The following PTCRA variants were observed in gnomAD, a reference collection of about 807,000 sequenced individuals.
PTCRA encodes pre T cell antigen receptor alpha, also known as pre T-cell antigen receptor alpha.
PTCRA carries 9 observed loss-of-function variants against 13.4 expected under a neutral mutation model. That is an observed-to-expected ratio of 0.67 (90% CI 0.41 to 1.18). The LOEUF (loss-of-function observed/expected upper bound fraction) is 1.18, where lower values mean the gene tolerates loss of function less well. PTCRA is among the 50% of genes most tolerant of loss of function. The probability of loss-of-function intolerance (pLI) is 0.01; values close to 1 mark genes in which losing one functional copy is unlikely to be tolerated. For synonymous variants in PTCRA, 153 were observed against 161.9 expected, an observed-to-expected ratio of 0.94 and a Z score of 0.42; for missense variants, 353 against 359.8, an observed-to-expected ratio of 0.98 and a Z score of 0.15.
intron 3 of PTCRA, 184 bp downstream of exon 3, chr6:42,924,457 A>G: frequency 1.5e-6 from 1 of 652,228 alleles, no homozygotes; most frequent in Non-Finnish European, 2.7e-6. Flanking sequence ...CTAGCATAAG[A>G]TGGGGGTGAA....
intron 3 of PTCRA, among the ~76,000 whole-genome samples, chr6:42,924,568 G>T (rs1767334097): frequency 6.6e-6 from 1 of 152,160 alleles, no homozygotes; most frequent in Non-Finnish European, 1.5e-5. Flanking sequence ...CAGGCAGGGG[G>T]GTCTCAGCAT....
chr6:42,918,471 T>G (rs1187879456), intron 1 of PTCRA, among the ~76,000 whole-genome samples: 2 of 151,578 alleles, frequency 1.3e-5, no homozygotes, highest in African/African-American at 4.9e-5. Flanking sequence ...GGAGAATCGC[T>G]TGAACCCCGG....
At chr6:42,922,171 A>T in intron 1 of PTCRA, 2 of 686,986 alleles carry the variant, frequency 2.9e-6, no homozygotes, top group Non-Finnish European at 5.3e-6. Flanking sequence ...AAAAAAAGAA[A>T]CAAAAAGTTA....
intron 1 of PTCRA, among the ~76,000 whole-genome samples, chr6:42,920,615 C>T (rs562936454): frequency 7.3e-5 from 11 of 151,416 alleles, no homozygotes; most frequent in Admixed American, 4.6e-4. Flanking sequence ...TTAGTAGAGA[C>T]GGGGTTTCAC....
intron 1 of PTCRA, among the ~76,000 whole-genome samples, chr6:42,921,929 G>A (rs1767188824): frequency 6.6e-6 from 1 of 151,694 alleles, no homozygotes; most frequent in Admixed American, 6.6e-5. Flanking sequence ...GGAGGCTGAG[G>A]CAGAAGAATG....
intron 1 of PTCRA, among the ~76,000 whole-genome samples, chr6:42,920,997 A>G (rs1767129865): frequency 6.6e-6 from 1 of 151,510 alleles, no homozygotes; most frequent in Non-Finnish European, 1.5e-5. Flanking sequence ...GGGTTTCGCC[A>G]TGTTGGCCAG....
At chr6:42,918,253 CT>C (rs1359282450) in intron 1 of PTCRA, among the ~76,000 whole-genome samples, 1 of 147,320 alleles carries the variant, frequency 6.8e-6, no homozygotes, top group Non-Finnish European at 1.5e-5. Flanking sequence ...CAGAATCAGT[CT>C]CAAAAAAAAA....
intron 2 of PTCRA, 104 bp from the exon 3 acceptor site, chr6:42,924,125 C>A: frequency 1.0e-6 from 1 of 999,744 alleles, no homozygotes; most frequent in East Asian, 2.7e-5. Flanking sequence ...ACCCCAAATG[C>A]CTCGACACCC....
At position 42,923,305 on chromosome 6, in the gene PTCRA, G is replaced by A; in HGVS notation, c.337G>A (p.Ala113Thr). Residue 113 changes from alanine (A) to threonine (T), a missense_variant, in exon 2 of 4, where the codon GCT becomes ACT. Coordinates refer to ENST00000304672, the MANE Select transcript of PTCRA (RefSeq NM_138296.3). ...EPLVCHTGPGAEGHSRSTQPM... is the reference protein window; with the variant it reads ...EPLVCHTGPGTEGHSRSTQPM... Reference sequence around the variant, plus strand: ...TTTGGTCTGCCACACTGGGCCTGGGGCTGAGGGTCACAGCAGGAGTACACA... The same window carrying A: ...TTTGGTCTGCCACACTGGGCCTGGGACTGAGGGTCACAGCAGGAGTACACA... 1 of 1,614,216 alleles carries A rather than the reference G, an allele frequency of 6.2e-7. No individual in the cohort carries two copies. The highest frequency in any genetic ancestry group is 8.5e-7 in the Non-Finnish European group (1 of 1,180,032).
At chr6:42,922,257 C>T in intron 1 of PTCRA, 3 of 702,652 alleles carry the variant, frequency 4.3e-6, no homozygotes, top group Non-Finnish European at 7.8e-6. Context: ...GCTGCCACAA[C>T]AGGGTATTAC....
At chr6:42,921,562 C>T (rs888815085) in intron 1 of PTCRA, among the ~76,000 whole-genome samples, 2 of 148,480 alleles carry the variant, frequency 1.3e-5, no homozygotes, top group South Asian at 4.3e-4. Flanking sequence ...GGATTACAGG[C>T]ACACACCACT....
intron 3 of PTCRA, 153 bp downstream of exon 3, chr6:42,924,426 C>T (rs1253082991): frequency 6.2e-5 from 43 of 696,504 alleles, no homozygotes; most frequent in Non-Finnish European, 1.1e-4. Context: ...GGGGCACTGG[C>T]TAGCATGGGC....
At position 42,925,701 on chromosome 6, in the gene PTCRA, C is replaced by G. The variant is rs1767406428; in HGVS notation, c.*19C>G. The G allele has an allele frequency of 2.7e-6, 4 of 1,481,536 alleles. No homozygotes were observed. The highest frequency in any genetic ancestry group is 1.4e-5 in the South Asian group (1 of 72,870). 91.8% of individuals were successfully genotyped at this position (1,481,536 alleles called of 1,614,324 possible). On this transcript the variant is annotated 3_prime_UTR_variant, in exon 4 of 4. Transcript: ENST00000304672. This position sits in a 1 kb window ranked among gnomAD's most constrained non-coding sequence, Gnocchi z 4.4. Reference sequence around the variant, plus strand: ...TGCCTGAGGGCAGGGCTCTACCTCCCCTGCGTCACACTGTGTGAGGCTGTG... The same window carrying G: ...TGCCTGAGGGCAGGGCTCTACCTCCGCTGCGTCACACTGTGTGAGGCTGTG...
In PTCRA at chr6:42,916,310, C is replaced by G. The variant is rs572179314; in HGVS notation, c.58+183C>G. Among the ~76,000 whole-genome samples the G allele has an allele frequency of 1.2e-4, 19 of 152,134 alleles. No individual in the cohort carries two copies. The South Asian group carries it at 3.7e-3, about 30-fold the overall frequency. On this transcript the variant is annotated intron_variant, in intron 1 of 3. Transcript: ENST00000304672. ...GGGAGGGGACCCTATATAGAGGGTC[C>G]CCACTATACTCTTCCCATTGTACTC...
At chr6:42,918,145 A>G (rs1453334208) in intron 1 of PTCRA, among the ~76,000 whole-genome samples, 1 of 151,570 alleles carries the variant, frequency 6.6e-6, no homozygotes, top group African/African-American at 2.4e-5. Context: ...TAATCCAGCT[A>G]CTTAGGATGC....
At chr6:42,921,788 C>T (rs1286362113) in intron 1 of PTCRA, among the ~76,000 whole-genome samples, 1 of 146,684 alleles carries the variant, frequency 6.8e-6, no homozygotes, top group African/African-American at 2.5e-5. Context: ...AATCCTAGCA[C>T]TTTGGGAGGC....
At chr6:42,916,301 T>C (rs968039568) in intron 1 of PTCRA, among the ~76,000 whole-genome samples, 174 bp downstream of exon 1, 4 of 150,496 alleles carry the variant, frequency 2.7e-5, no homozygotes, top group Non-Finnish European at 4.4e-5. Context: ...GGACCCTATA[T>C]AGAGGGTCCC....
chr6:42,923,075 T>C lies in PTCRA; in HGVS notation c.107T>C (p.Leu36Pro). The C allele has an allele frequency of 6.2e-7, 1 of 1,614,224 alleles. No homozygotes were observed. The highest frequency in any genetic ancestry group is 8.5e-7 in the Non-Finnish European group (1 of 1,180,042). Residue 36 changes from leucine (L) to proline (P), a missense_variant, in exon 2 of 4, where the codon CTG becomes CCG. Physicochemically the swap from Leu to Pro is moderately conservative, Grantham distance 98. Transcript: ENST00000304672. ...TCTCTGGCCCCACCAATCATGCTGC[T>C]GGTGGATGGAAAGCAGCAGATGGTG... Reference protein sequence around the residue: ...FPSLAPPIMLLVDGKQQMVVV... With the variant: ...FPSLAPPIMLPVDGKQQMVVV...
rs774026929 is a variant in PTCRA at position 42,925,342 on chromosome 6, G to T, written c.506G>T (p.Cys169Phe). The T allele has an allele frequency of 4.4e-6, 7 of 1,576,652 alleles. No homozygotes were observed. The highest frequency in any genetic ancestry group is 1.7e-6 in the Non-Finnish European group (2 of 1,164,510). The change falls in exon 4 of 4, where the codon TGC becomes TTC. Residue 169 changes from cysteine (C) to phenylalanine (F), a missense_variant. Physicochemically the swap from Cys to Phe is radical, Grantham distance 205. Coordinates refer to ENST00000304672, the MANE Select transcript of PTCRA (RefSeq NM_138296.3). This position sits in a 1 kb window ranked among gnomAD's most constrained non-coding sequence, Gnocchi z 4.4. Reference protein sequence around the residue: ...KLLLFDLLLTCSCLCDPAGPL... With the variant: ...KLLLFDLLLTFSCLCDPAGPL... ...CTGCTGTTTGACCTGCTCCTGACCT[G>T]CAGCTGCCTGTGCGACCCCGCGGGC... is the stretch of plus-strand genomic sequence containing the variant.
Sources: gnomAD v4.1 joint callset for allele counts (sites outside exome capture counted in the v4.1 genomes callset) on GRCh38, gnomAD v4.1.1 for gene constraint, Gnocchi (gnomAD v3.1) non-coding constraint, MANE v1.5 for transcripts, NCBI Gene and HGNC (gene_info 2026-07-23, HGNC 2026-07-21) for gene names.